FHOD3: variants seen among roughly 807,000 people sequenced by gnomAD.
The protein encoded by FHOD3 is FH1/FH2 domain-containing protein 3.
FHOD3 carries 90 observed loss-of-function variants against 173.0 expected under a neutral mutation model. The observed-to-expected ratio is 0.52, with a 90% CI of 0.44 to 0.62. The LOEUF is 0.62. Ranked by LOEUF, FHOD3 falls within the 20% of genes least tolerant of loss-of-function variation. FHOD3 has a pLI of 0.00. For missense variants in FHOD3, 1,945 were observed against 2,034.7 expected (o/e 0.96, Z 0.85); for synonymous variants, 828 against 823.0 (o/e 1.01, Z -0.10).
intron 3 of FHOD3, among the ~76,000 whole-genome samples, chr18:36,490,135 G>A (rs1020600455): frequency 5.9e-5 from 9 of 152,188 alleles, no homozygotes; most frequent in South Asian, 4.1e-4. Context: ...CAACCTCTCC[G>A]CAGAGGGAGG....
At chr18:36,305,030 C>T (rs2092055025) in intron 1 of FHOD3, among the ~76,000 whole-genome samples, 1 of 152,264 alleles carries the variant, frequency 6.6e-6, no homozygotes, top group Non-Finnish European at 1.5e-5. Flanking sequence ...AGTTGTATAC[C>T]TTGGCACCCT....
At chr18:36,606,090 G>C (rs557119533) in intron 8 of FHOD3, among the ~76,000 whole-genome samples, 36 of 152,280 alleles carry the variant, frequency 2.4e-4, no homozygotes, top group Middle Eastern at 3.4e-3. Flanking sequence ...GGAAGCCATG[G>C]GGAGAGGAGT....
intron 10 of FHOD3, among the ~76,000 whole-genome samples, chr18:36,626,645 A>C (rs2148812903): frequency 6.6e-6 from 1 of 152,280 alleles, no homozygotes; most frequent in Non-Finnish European, 1.5e-5. Context: ...CCTGCTGCTG[A>C]TAGTCTGGAA....
At chr18:36,772,359 A>G (rs1002743436) in intron 28 of FHOD3, among the ~76,000 whole-genome samples, 1 of 152,244 alleles carries the variant, frequency 6.6e-6, no homozygotes, top group African/African-American at 2.4e-5. Context: ...GCAATTTGCA[A>G]AATCAATGTG....
intron 2 of FHOD3, among the ~76,000 whole-genome samples, chr18:36,357,503 T>A (rs1426239475): frequency 6.6e-6 from 1 of 152,094 alleles, no homozygotes; most frequent in Non-Finnish European, 1.5e-5. Context: ...ACCCTTCTTG[T>A]CTCCAGAGTG....
intron 2 of FHOD3, among the ~76,000 whole-genome samples, chr18:36,356,608 T>G (rs1047503955): frequency 6.6e-6 from 1 of 151,650 alleles, no homozygotes; most frequent in Non-Finnish European, 1.5e-5. Flanking sequence ...TACAGACATG[T>G]GCCACTGTGC....
intron 10 of FHOD3, among the ~76,000 whole-genome samples, chr18:36,630,671 C>G (rs1165276879): frequency 2.6e-5 from 4 of 152,212 alleles, no homozygotes; most frequent in African/African-American, 9.7e-5. Context: ...AGGAACCTGG[C>G]ACAGTCTCAC....
intron 11 of FHOD3, 58 bp downstream of exon 11, chr18:36,649,463 G>A: frequency 9.7e-6 from 13 of 1,346,036 alleles, no homozygotes; most frequent in Non-Finnish European, 1.3e-5. Flanking sequence ...CCTTCCTAAT[G>A]ATAGTTCACT....
intron 26 of FHOD3, 146 bp from the exon 27 acceptor site, chr18:36,760,462 T>C (rs1315277182): frequency 4.5e-6 from 3 of 674,026 alleles, no homozygotes; most frequent in Admixed American, 3.7e-5. Context: ...TTGTCATTAG[T>C]TAACTTCAGT....
chr18:36,410,273 G>A (rs2049289487), intron 3 of FHOD3, among the ~76,000 whole-genome samples: 1 of 152,042 alleles, frequency 6.6e-6, no homozygotes, highest in African/African-American at 2.4e-5. Flanking sequence ...ATAGCCTTTT[G>A]TGTCTGGCTT....
At chr18:36,504,331 T>C (rs2055186080) in intron 4 of FHOD3, among the ~76,000 whole-genome samples, 1 of 152,148 alleles carries the variant, frequency 6.6e-6, no homozygotes, top group Non-Finnish European at 1.5e-5. Flanking sequence ...CTCAGAATGA[T>C]CACTCACCCT....
chr18:36,594,031 C>T (rs751504218), intron 6 of FHOD3, among the ~76,000 whole-genome samples: 5 of 152,212 alleles, frequency 3.3e-5, no homozygotes, highest in South Asian at 2.1e-4. Flanking sequence ...TAAGGGGCCC[C>T]GGAGGCTGAC....
intron 3 of FHOD3, among the ~76,000 whole-genome samples, chr18:36,500,936 G>A (rs1489290862): frequency 6.6e-6 from 1 of 152,202 alleles, no homozygotes; most frequent in Non-Finnish European, 1.5e-5. Flanking sequence ...TAAGCGGGAT[G>A]TGTGCTCCTT....
At chr18:36,355,736 A>C (rs79498577) in intron 2 of FHOD3, 91 bp downstream of exon 2, 1 of 1,039,278 alleles carries the variant, frequency 9.6e-7, no homozygotes, top group Non-Finnish European at 1.4e-6. Flanking sequence ...AGGAACTACC[A>C]TGGCTTTGAC....
At chr18:36,766,658 C>G (rs974468037) in intron 27 of FHOD3, among the ~76,000 whole-genome samples, 1 of 152,148 alleles carries the variant, frequency 6.6e-6, no homozygotes, top group Non-Finnish European at 1.5e-5. Context: ...GGAATGAAGT[C>G]GTGAGAGAAT....
chr18:36,716,944 GTGTGTGTGTA>G (rs1459688757), intron 18 of FHOD3, among the ~76,000 whole-genome samples: 9 of 150,542 alleles, frequency 6.0e-5, no homozygotes, highest in Admixed American at 5.3e-4. Context: ...GTGTGTGTGT[GTGTGTGTGTA>G]TGTGTTAATG....
At chr18:36,448,758 G>A (rs1363965735) in intron 3 of FHOD3, among the ~76,000 whole-genome samples, 1 of 152,116 alleles carries the variant, frequency 6.6e-6, no homozygotes, top group Non-Finnish European at 1.5e-5. Flanking sequence ...ATGCTGAAAA[G>A]GAGCCTGGGC....
intron 25 of FHOD3, among the ~76,000 whole-genome samples, chr18:36,758,716 G>C (rs1317478404): frequency 6.6e-6 from 1 of 152,204 alleles, no homozygotes; most frequent in East Asian, 1.9e-4. Context: ...CTTGATGACT[G>C]TCAGGCCGTG....
intron 10 of FHOD3, among the ~76,000 whole-genome samples, chr18:36,649,092 C>T (rs1389903232): frequency 1.3e-5 from 2 of 152,126 alleles, no homozygotes; most frequent in African/African-American, 2.4e-5. Flanking sequence ...TACATCTCCA[C>T]CCGACGTTTA....
Sources: gnomAD v4.1 joint callset for allele counts (sites outside exome capture counted in the v4.1 genomes callset) on GRCh38, gnomAD v4.1.1 for gene constraint, MANE v1.5 for transcripts, NCBI Gene and HGNC (gene_info 2026-07-23, HGNC 2026-07-21) for gene names.